Variants in NUMB observed in about 807,000 individuals in gnomAD.
The protein encoded by NUMB is protein numb homolog.
NUMB carries 29 observed loss-of-function variants against 59.7 expected under a neutral mutation model. The ratio of observed to expected loss-of-function variants is 0.49; its 90% CI spans 0.36 to 0.66. NUMB has a LOEUF of 0.66. Among genes scored for constraint, NUMB ranks in the 30% least tolerant of loss-of-function variants. NUMB has a pLI of 0.00. For missense variants in NUMB, 723 were observed against 822.0 expected, an observed-to-expected ratio of 0.88 and a Z score of 1.47; for synonymous variants, 288 against 288.2, an observed-to-expected ratio of 1.00 and a Z score of 0.01.
intron 2 of NUMB, among the ~76,000 whole-genome samples, chr14:73,396,467 C>T (rs1896143732): frequency 6.6e-6 from 1 of 152,012 alleles, no homozygotes; most frequent in African/African-American, 2.4e-5. Flanking sequence ...CCCACCTCAG[C>T]CTCCAGAGCA....
intron 5 of NUMB, 78 bp downstream of exon 5, chr14:73,323,052 C>T: frequency 8.9e-7 from 1 of 1,120,028 alleles, no homozygotes; most frequent in Non-Finnish European, 1.3e-6. Context: ...TACTGGGTCA[C>T]TAAAATGTAC....
intron 11 of NUMB, among the ~76,000 whole-genome samples, chr14:73,280,686 ATTTTTTTTT>A (rs397852698): frequency 3.4e-5 from 3 of 87,722 alleles, no homozygotes; most frequent in Non-Finnish European, 6.2e-5. Context: ...TGTTGGTACT[ATTTTTTTTT>A]TTTTTTTTTT....
At chr14:73,434,123 G>A (rs1897948890) in intron 1 of NUMB, among the ~76,000 whole-genome samples, 1 of 151,956 alleles carries the variant, frequency 6.6e-6, no homozygotes, top group Non-Finnish European at 1.5e-5. Context: ...TTTAAACTTG[G>A]GCCACTACTA....
At chr14:73,447,959 G>A (rs1438860583) in intron 1 of NUMB, among the ~76,000 whole-genome samples, 3 of 151,866 alleles carry the variant, frequency 2.0e-5, no homozygotes, top group Non-Finnish European at 4.4e-5. Flanking sequence ...ACCACACCCA[G>A]CTACTTTTTT....
At chr14:73,338,288 T>TA (rs1892455644) in intron 4 of NUMB, among the ~76,000 whole-genome samples, 1 of 151,796 alleles carries the variant, frequency 6.6e-6, no homozygotes, top group East Asian at 1.9e-4. Context: ...TCCTGTCTCT[T>TA]AAAAAACAAG....
Position 73,336,996 on chromosome 14 carries a change from C to CTGAG in NUMB, c.127-13796_127-13793dup, listed in dbSNP as rs1892356012. On this transcript the variant is annotated intron_variant, in intron 4 of 12. Transcript: ENST00000555238. ...CCTGTAATCCCAGCTCTTTGAGAGG[C>CTGAG]TGAGGCAGGCAGATCACATGAGGCC... 2.6e-5 allele frequency among the ~76,000 whole-genome samples: 4 copies of CTGAG among 152,118 alleles called. No homozygotes were observed. The South Asian group carries it at 8.3e-4, about 32-fold the overall frequency.
intron 6 of NUMB, among the ~76,000 whole-genome samples, chr14:73,303,039 G>A (rs1007423738): frequency 3.3e-5 from 5 of 151,858 alleles, no homozygotes; most frequent in South Asian, 2.1e-4. Context: ...CGAACATGGC[G>A]AAACCCCATC....
chr14:73,366,793 C>A (rs1317150030), intron 3 of NUMB, 104 bp downstream of exon 3: 1 of 152,118 alleles, frequency 6.6e-6, no homozygotes, highest in Admixed American at 6.6e-5. Flanking sequence ...AATTGTTAAA[C>A]AACAGTTAAG....
intron 8 of NUMB, among the ~76,000 whole-genome samples, chr14:73,288,149 C>G (rs1407746558): frequency 2.6e-5 from 4 of 152,176 alleles, no homozygotes; most frequent in African/African-American, 9.7e-5. Flanking sequence ...CATGGTGGCT[C>G]ACATCTGTAA....
intron 1 of NUMB, among the ~76,000 whole-genome samples, chr14:73,447,052 T>C (rs1297302038): frequency 1.3e-5 from 2 of 150,322 alleles, no homozygotes; most frequent in African/African-American, 2.5e-5. Context: ...CTGGGCGTGG[T>C]GGCGCACCCT....
intron 4 of NUMB, among the ~76,000 whole-genome samples, chr14:73,348,918 G>C: frequency 6.6e-6 from 1 of 152,150 alleles, no homozygotes; most frequent in East Asian, 1.9e-4. Context: ...CTCAGAATCT[G>C]TGAATGAAGT....
At chr14:73,330,223 G>A (rs1891888258) in intron 4 of NUMB, among the ~76,000 whole-genome samples, 1 of 151,918 alleles carries the variant, frequency 6.6e-6, no homozygotes, top group Non-Finnish European at 1.5e-5. Context: ...GTAGAGATGG[G>A]GTTTTGCTGT....
chr14:73,323,976 T>A (rs1891534465), intron 4 of NUMB, among the ~76,000 whole-genome samples: 1 of 152,196 alleles, frequency 6.6e-6, no homozygotes, highest in Non-Finnish European at 1.5e-5. Context: ...CTCCTGACTC[T>A]AACTCCTCCT....
chr14:73,352,528 A>G (rs55908003), intron 4 of NUMB, among the ~76,000 whole-genome samples: 4 of 11,696 alleles, frequency 3.4e-4, no homozygotes, highest in African/African-American at 9.1e-4. Flanking sequence ...ATATATATAT[A>G]TGTTTTTTTT....
At chr14:73,412,005 G>A (rs1250052806) in intron 1 of NUMB, among the ~76,000 whole-genome samples, 2 of 144,298 alleles carry the variant, frequency 1.4e-5, no homozygotes, top group African/African-American at 5.2e-5. Context: ...CCTCACTGCA[G>A]TCTCAAACTC....
intron 6 of NUMB, among the ~76,000 whole-genome samples, chr14:73,302,635 C>T (rs1030169868): frequency 7.9e-5 from 12 of 151,964 alleles, no homozygotes; most frequent in Admixed American, 7.9e-4. Flanking sequence ...TGGTCTCGAA[C>T]TCCTGACCTC....
At chr14:73,361,554 A>G (rs1225611374) in intron 3 of NUMB, among the ~76,000 whole-genome samples, 1 of 151,924 alleles carries the variant, frequency 6.6e-6, no homozygotes, top group African/African-American at 2.4e-5. Context: ...TATTATTTCA[A>G]CACCCAGGTA....
At chr14:73,311,338 G>A (rs1488595278) in intron 6 of NUMB, among the ~76,000 whole-genome samples, 1 of 152,200 alleles carries the variant, frequency 6.6e-6, no homozygotes, top group Non-Finnish European at 1.5e-5. Context: ...ACAGGCATGA[G>A]CCACCGTGCC....
intron 2 of NUMB, among the ~76,000 whole-genome samples, chr14:73,370,964 T>C (rs1271527285): frequency 1.3e-5 from 2 of 152,178 alleles, no homozygotes; most frequent in Non-Finnish European, 2.9e-5. Context: ...ATCATTCTCT[T>C]TCTCGTTCAT....
Sources: allele counts gnomAD v4.1 joint callset (sites outside exome capture counted in the v4.1 genomes callset), GRCh38; gene constraint gnomAD v4.1.1; transcripts MANE v1.5; gene names NCBI Gene and HGNC (gene_info 2026-07-23, HGNC 2026-07-21).